The following GLI2 variants were observed in gnomAD, a reference collection of about 807,000 sequenced individuals.
The protein encoded by GLI2 is transcription activator GLI2.
A neutral mutation model predicts 78.9 loss-of-function variants in GLI2; 22 were observed. The ratio of observed to expected loss-of-function variants is 0.28; its 90% CI spans 0.20 to 0.40. The LOEUF (loss-of-function observed/expected upper bound fraction) is 0.40, where lower values mean the gene tolerates loss of function less well. GLI2 is among the 10% of genes least tolerant of loss of function. The pLI is 1.00. For synonymous variants in GLI2, 974 were observed against 963.7 expected, an observed-to-expected ratio of 1.01 and a Z score of -0.20; for missense variants, 2,097 against 2,213.2, an observed-to-expected ratio of 0.95 and a Z score of 1.05.
intron 2 of GLI2, among the ~76,000 whole-genome samples, chr2:120,854,259 C>A (rs538798521): frequency 6.6e-6 from 1 of 152,280 alleles, no homozygotes; most frequent in South Asian, 2.1e-4. Context: ...TCAAAAATTT[C>A]TAGGCAAAGA....
At chr2:120,790,846 G>T (rs1231603986) in intron 1 of GLI2, among the ~76,000 whole-genome samples, 1 of 152,158 alleles carries the variant, frequency 6.6e-6, no homozygotes, top group Non-Finnish European at 1.5e-5. Flanking sequence ...CAGGTCTGAG[G>T]AGCTGGTGGA....
chr2:120,983,407 A>G (rs1573727048), intron 11 of GLI2, among the ~76,000 whole-genome samples: 1 of 151,992 alleles, frequency 6.6e-6, no homozygotes, highest in Non-Finnish European at 1.5e-5. Flanking sequence ...ACTGCTCCCC[A>G]CCCCCAAATT....
In GLI2 at chr2:120,880,307, T is replaced by C. The variant is rs144687688; in HGVS notation, c.149-47054T>C. 5.4e-3 allele frequency among the ~76,000 whole-genome samples: 820 copies of C among 152,318 alleles called. 2 individuals are homozygous for C. Among genetic ancestry groups the C allele is most frequent in the Non-Finnish European group, 8.7e-3 (591 of 68,026 alleles). On this transcript the variant is annotated intron_variant, in intron 2 of 13. Transcript: ENST00000361492. ...GCACAGCCATTGGAGTTTTGCTAGT[T>C]GGGAATTTTAATTAGAGAATTGGGC... is the stretch of plus-strand genomic sequence containing the variant.
chr2:120,919,868 G>A (rs1679283937), intron 2 of GLI2, among the ~76,000 whole-genome samples: 1 of 152,152 alleles, frequency 6.6e-6, no homozygotes, highest in Non-Finnish European at 1.5e-5. Context: ...AAGAAGGATG[G>A]GGATCCAGGC....
intron 3 of GLI2, among the ~76,000 whole-genome samples, chr2:120,948,500 A>G (rs778620349): frequency 1.3e-5 from 2 of 152,008 alleles, no homozygotes; most frequent in African/African-American, 2.4e-5. Flanking sequence ...CAGCTCCTCC[A>G]TGTGTGACCC....
At chr2:120,963,924 T>C (rs1461927533) in intron 5 of GLI2, among the ~76,000 whole-genome samples, 1 of 152,212 alleles carries the variant, frequency 6.6e-6, no homozygotes, top group African/African-American at 2.4e-5. Flanking sequence ...TGTGTTTAGG[T>C]GACTGTGAAT....
intron 3 of GLI2, among the ~76,000 whole-genome samples, chr2:120,927,788 T>C (rs1314103936): frequency 1.3e-5 from 2 of 152,244 alleles, no homozygotes; most frequent in Non-Finnish European, 2.9e-5. Context: ...TAAGATCCCA[T>C]ATAAGTAAGG....
Position 120,818,257 on chromosome 2 carries a change from C to T in GLI2, c.148+20789C>T, listed in dbSNP as rs541454224. 2.6e-5 allele frequency among the ~76,000 whole-genome samples: 4 copies of T among 152,340 alleles called. No individual in the cohort carries two copies. The South Asian group carries it at 8.3e-4, about 32-fold the overall frequency. Reference sequence around the variant, plus strand: ...GGGGTGTGGAGGGTGAAGTCTAACACCAGGACAGCCAGTGGGTACATTTAG... The same window carrying T: ...GGGGTGTGGAGGGTGAAGTCTAACATCAGGACAGCCAGTGGGTACATTTAG... On this transcript the variant is annotated intron_variant, in intron 2 of 13. Transcript: ENST00000361492.
At chr2:120,859,737 G>A (rs1324205370) in intron 2 of GLI2, among the ~76,000 whole-genome samples, 1 of 151,566 alleles carries the variant, frequency 6.6e-6, no homozygotes, top group Non-Finnish European at 1.5e-5. Flanking sequence ...TTACAGGCGT[G>A]AGCCATCGGG....
At chr2:120,891,213 G>A (rs1677663199) in intron 2 of GLI2, among the ~76,000 whole-genome samples, 1 of 152,202 alleles carries the variant, frequency 6.6e-6, no homozygotes, top group Non-Finnish European at 1.5e-5. Flanking sequence ...GGTGCACTGG[G>A]CGGGGTGTCT....
In GLI2 at chr2:120,963,819, C is replaced by G. The variant is rs575972472; in HGVS notation, c.644-4895C>G. On this transcript the variant is annotated intron_variant, in intron 5 of 13. Transcript: ENST00000361492. ...TCTTCTGTAAAATGAGCATAACAGC[C>G]CCTTCTTTATGGGACAGTCGTGAAG... 7.2e-5 allele frequency among the ~76,000 whole-genome samples: 11 copies of G among 152,350 alleles called. No homozygotes were observed. In the East Asian group the frequency reaches 1.7e-3, roughly 24 times the overall value.
chr2:120,928,066 T>G (rs1259956395), intron 3 of GLI2, among the ~76,000 whole-genome samples: 2 of 152,120 alleles, frequency 1.3e-5, no homozygotes, highest in Non-Finnish European at 2.9e-5. Context: ...TTTCTTGGCC[T>G]TTAGGGCTCA....
intron 1 of GLI2, among the ~76,000 whole-genome samples, chr2:120,743,259 G>A (rs1233977326): frequency 6.6e-6 from 1 of 152,126 alleles, no homozygotes; most frequent in Non-Finnish European, 1.5e-5. Flanking sequence ...GGTAGAGAAG[G>A]GTAAAGGGCT....
At chr2:120,783,541 C>T (rs1051617983) in intron 1 of GLI2, among the ~76,000 whole-genome samples, 3 of 151,898 alleles carry the variant, frequency 2.0e-5, no homozygotes, top group African/African-American at 7.3e-5. Context: ...AGAGAGTCAT[C>T]GAAAGGAGAG....
At chr2:120,892,675 A>C (rs919878683) in intron 2 of GLI2, among the ~76,000 whole-genome samples, 2 of 152,180 alleles carry the variant, frequency 1.3e-5, no homozygotes, top group African/African-American at 4.8e-5. Flanking sequence ...CAGTAACCCT[A>C]CTTAACAAAT....
At chr2:120,742,563 C>T (rs558270214) in intron 1 of GLI2, among the ~76,000 whole-genome samples, 1 of 152,044 alleles carries the variant, frequency 6.6e-6, no homozygotes, top group South Asian at 2.1e-4. Flanking sequence ...TGTGTACGCA[C>T]GCCGAGAGCC....
At chr2:120,740,389 T>TTGAATAATTCAA (rs1682493929) in intron 1 of GLI2, among the ~76,000 whole-genome samples, 5 of 152,196 alleles carry the variant, frequency 3.3e-5, no homozygotes, top group African/African-American at 1.2e-4. Flanking sequence ...GGGATTTGGG[T>TTGAATAATTCAA]TTAAATTGAA....
At chr2:120,809,667 A>G (rs545860166) in intron 2 of GLI2, among the ~76,000 whole-genome samples, 1 of 152,310 alleles carries the variant, frequency 6.6e-6, no homozygotes, top group East Asian at 1.9e-4. Flanking sequence ...GGGATCTCCA[A>G]GTGCCTTGTG....
intron 2 of GLI2, among the ~76,000 whole-genome samples, chr2:120,921,858 C>G (rs944041681): frequency 6.6e-6 from 1 of 152,228 alleles, no homozygotes; most frequent in African/African-American, 2.4e-5. Context: ...ATCCATCCTT[C>G]TGTGCCTGGC....
Sources: gnomAD v4.1 joint callset for allele counts (sites outside exome capture counted in the v4.1 genomes callset) on GRCh38, gnomAD v4.1.1 for gene constraint, MANE v1.5 for transcripts, NCBI Gene and HGNC (gene_info 2026-07-23, HGNC 2026-07-21) for gene names.